RHOA: variants seen among roughly 807,000 people sequenced by gnomAD.
RHOA encodes the protein transforming protein RhoA.
In RHOA, 3 loss-of-function variants were observed where a neutral mutation model predicts 17.5. The ratio of observed to expected loss-of-function variants is 0.17; its 90% confidence interval spans 0.08 to 0.44. The LOEUF (loss-of-function observed/expected upper bound fraction) is 0.44, where lower values mean the gene tolerates loss of function less well. Among genes scored for constraint, RHOA ranks in the 20% least tolerant of loss-of-function variants. The pLI is 0.99. For missense variants in RHOA, 56 were observed against 242.3 expected (o/e 0.23, Z 5.10); for synonymous variants, 98 against 88.4 (o/e 1.11, Z -0.61).
intron 1 of RHOA, among the ~76,000 whole-genome samples, chr3:49,380,492 G>C (rs1273543483): frequency 1.3e-5 from 2 of 151,964 alleles, no homozygotes; most frequent in Non-Finnish European, 2.9e-5. Flanking sequence ...CAGATCACGA[G>C]GTCAGGAGTT....
At chr3:49,396,877 C>T (rs1310570788) in intron 1 of RHOA, among the ~76,000 whole-genome samples, 3 of 151,840 alleles carry the variant, frequency 2.0e-5, no homozygotes, top group African/African-American at 7.3e-5. Context: ...TGCCTATAAT[C>T]CCAGCACTTT....
chr3:49,368,321 T>C (rs954466791), intron 3 of RHOA, 107 bp downstream of exon 3: 44 of 1,391,964 alleles, frequency 3.2e-5, no homozygotes, highest in Middle Eastern at 2.6e-4. Flanking sequence ...CTGACGATGA[T>C]TGCTTCTCTG....
chr3:49,401,690 A>G (rs115834850), intron 1 of RHOA, among the ~76,000 whole-genome samples: 5 of 152,268 alleles, frequency 3.3e-5, no homozygotes, highest in Admixed American at 6.5e-5. Flanking sequence ...AATGAACTTG[A>G]GCCTGGTATA....
chr3:49,377,611 G>GAA (rs71077801), intron 1 of RHOA, among the ~76,000 whole-genome samples: 291 of 143,554 alleles, frequency 2.0e-3, no homozygotes, highest in South Asian at 5.3e-3. Flanking sequence ...AGAAGGAAAA[G>GAA]AAAAAAAAAA....
intron 2 of RHOA, among the ~76,000 whole-genome samples, chr3:49,372,404 A>G (rs2048160065): frequency 6.6e-6 from 1 of 152,190 alleles, no homozygotes; most frequent in Non-Finnish European, 1.5e-5. Context: ...CTATTAGCAT[A>G]AGAGCAATCA....
At chr3:49,407,657 C>T (rs1337240881) in intron 1 of RHOA, among the ~76,000 whole-genome samples, 2 of 152,012 alleles carry the variant, frequency 1.3e-5, no homozygotes, top group African/African-American at 4.8e-5. Flanking sequence ...CATGTCATTC[C>T]CTTTCTAAAG....
intron 1 of RHOA, among the ~76,000 whole-genome samples, chr3:49,404,731 C>A (rs1362666167): frequency 2.0e-5 from 3 of 147,948 alleles, no homozygotes; most frequent in African/African-American, 7.5e-5. Context: ...GAGATGGAGA[C>A]CAGCCTGGGC....
chr3:49,405,706 T>C (rs1214777129), intron 1 of RHOA, among the ~76,000 whole-genome samples: 1 of 152,188 alleles, frequency 6.6e-6, no homozygotes, highest in Non-Finnish European at 1.5e-5. Flanking sequence ...GTGTGTATGT[T>C]TGAGACGGAG....
chr3:49,380,452 A>T (rs1447849763), intron 1 of RHOA, among the ~76,000 whole-genome samples: 4 of 152,168 alleles, frequency 2.6e-5, no homozygotes, highest in Non-Finnish European at 5.9e-5. Context: ...TCACGCCTGT[A>T]ATCCCAGCAC....
chr3:49,411,066 T>C (rs2048925441), intron 1 of RHOA, among the ~76,000 whole-genome samples: 1 of 152,196 alleles, frequency 6.6e-6, no homozygotes, highest in South Asian at 2.1e-4. Context: ...TCATTCCTAA[T>C]CAATACAGCG....
At chr3:49,396,289 C>A (rs551086180) in intron 1 of RHOA, among the ~76,000 whole-genome samples, 7 of 152,174 alleles carry the variant, frequency 4.6e-5, no homozygotes, top group African/African-American at 1.7e-4. Flanking sequence ...GAAGTCAGCC[C>A]GGGGCCAGGC....
In RHOA at chr3:49,407,462, G is replaced by T. The variant is rs2107912976; in HGVS notation, c.-3+4358C>A. ...GTGGCCAGGCTGGTCTCAAACTCCT[G>T]ACCTCAAGTGATCCACCTGCCCAGC... On this transcript the variant is annotated intron_variant, in intron 1 of 4. Coordinates refer to ENST00000418115, the MANE Select transcript of RHOA (RefSeq NM_001664.4). 2.0e-5 allele frequency among the ~76,000 whole-genome samples: 3 copies of T among 152,126 alleles called. 1 individual carries two copies. The South Asian group carries it at 6.2e-4, about 32-fold the overall frequency.
chr3:49,367,666 T>G (rs2048081238), intron 3 of RHOA, among the ~76,000 whole-genome samples: 1 of 151,026 alleles, frequency 6.6e-6, no homozygotes, highest in South Asian at 2.1e-4. Flanking sequence ...GGATTACAAG[T>G]GCACGCCACC....
At chr3:49,398,923 G>A in intron 1 of RHOA, among the ~76,000 whole-genome samples, 1 of 148,188 alleles carries the variant, frequency 6.7e-6, no homozygotes, top group South Asian at 2.1e-4. Flanking sequence ...TAATACTGGT[G>A]GCTCACGCCT....
intron 1 of RHOA, among the ~76,000 whole-genome samples, chr3:49,385,374 CCTGG>C (rs1453150712): frequency 6.6e-6 from 1 of 151,758 alleles, no homozygotes; most frequent in Non-Finnish European, 1.5e-5. Flanking sequence ...TGCCACCACG[CCTGG>C]CTAATTTTTT....
At chr3:49,379,686 T>C (rs1407425741) in intron 1 of RHOA, among the ~76,000 whole-genome samples, 1 of 152,106 alleles carries the variant, frequency 6.6e-6, no homozygotes, top group Non-Finnish European at 1.5e-5. Flanking sequence ...GGCTAATTTT[T>C]TGTATTTTTA....
At chr3:49,378,170 TAAAA>T (rs71627382) in intron 1 of RHOA, among the ~76,000 whole-genome samples, 3 of 90,450 alleles carry the variant, frequency 3.3e-5, no homozygotes, top group African/African-American at 4.2e-5. Context: ...AACTGTGTCT[TAAAA>T]AAAAAAAAAA....
chr3:49,365,969 A>G (rs1251544559), intron 3 of RHOA, among the ~76,000 whole-genome samples: 1 of 152,032 alleles, frequency 6.6e-6, no homozygotes, highest in East Asian at 1.9e-4. Flanking sequence ...AGATGGGAGG[A>G]TTGTTTGAGC....
chr3:49,375,854 C>T (rs1350914736), intron 1 of RHOA, among the ~76,000 whole-genome samples: 8 of 148,056 alleles, frequency 5.4e-5, no homozygotes, highest in East Asian at 3.9e-4. Flanking sequence ...CTTGCCACTT[C>T]TTTTTTTTTT....
Sources: gnomAD v4.1 joint callset for allele counts (sites outside exome capture counted in the v4.1 genomes callset) on GRCh38, gnomAD v4.1.1 for gene constraint, MANE v1.5 for transcripts, NCBI Gene and HGNC (gene_info 2026-07-23, HGNC 2026-07-21) for gene names.